The following GALC variants were observed in gnomAD, a reference collection of about 807,000 sequenced individuals.
The protein encoded by GALC is galactosylceramidase.
In GALC, 77 loss-of-function variants were observed where a neutral mutation model predicts 91.8. The observed-to-expected ratio is 0.84, with a 90% confidence interval of 0.70 to 1.01. The LOEUF is 1.01. Among genes scored for constraint, GALC ranks in the 50% least tolerant of loss-of-function variants. The probability of loss-of-function intolerance (pLI) is 0.00; values close to 1 mark genes in which losing one functional copy is unlikely to be tolerated. For synonymous variants in GALC, 357 were observed against 306.7 expected (o/e 1.16, Z -1.71); for missense variants, 882 against 855.9 (o/e 1.03, Z -0.38).
intron 4 of GALC, among the ~76,000 whole-genome samples, chr14:87,985,360 A>C (rs976689047): frequency 2.0e-5 from 3 of 152,270 alleles, no homozygotes; most frequent in Non-Finnish European, 4.4e-5. Context: ...GTATTACATA[A>C]GAAATGTGAC....
intron 3 of GALC, chr14:87,987,182 G>A: frequency 2.8e-6 from 1 of 358,878 alleles, no homozygotes; most frequent in Non-Finnish European, 5.4e-6. Flanking sequence ...ACTGAGGTAG[G>A]TAATTGCTAT....
At chr14:87,953,817 G>T in intron 10 of GALC, 2 of 1,608,128 alleles carry the variant, frequency 1.2e-6, no homozygotes, top group Non-Finnish European at 1.7e-6. Context: ...CCAGAAGTAT[G>T]ATTGTTTAGT....
chr14:87,965,682 A>G (rs750738793), intron 8 of GALC, 53 bp from the exon 9 acceptor site: 3 of 1,592,892 alleles, frequency 1.9e-6, no homozygotes, highest in African/African-American at 2.7e-5. Flanking sequence ...TAAAAATGTA[A>G]ATGTCTAAAA....
Position 87,933,733 on chromosome 14 carries a change from A to G in GALC, c.*999T>C, listed in dbSNP as rs1267707327. ...TAATGCTTAGTATAAATCATACAAC[A>G]TGATGAACACGCTCACGTATATTTA... On this transcript the variant is annotated 3_prime_UTR_variant, in exon 17 of 17. Coordinates refer to ENST00000261304, the MANE Select transcript of GALC (RefSeq NM_000153.4). The G allele has an allele frequency of 4.3e-6, 2 of 461,112 alleles. No homozygotes were observed. The highest frequency in any genetic ancestry group is 7.7e-6 in the Non-Finnish European group (2 of 259,448). 28.6% of individuals were successfully genotyped at this position (461,112 alleles called of 1,614,324 possible).
intron 3 of GALC, 153 bp downstream of exon 3, chr14:87,987,991 A>G: frequency 1.6e-6 from 1 of 644,754 alleles, no homozygotes; most frequent in South Asian, 1.9e-5. Flanking sequence ...ATTTTTAAAT[A>G]ATTACAGTTA....
At chr14:87,949,155 GTT>G (rs901933799) in intron 12 of GALC, among the ~76,000 whole-genome samples, 1 of 151,912 alleles carries the variant, frequency 6.6e-6, no homozygotes, top group Non-Finnish European at 1.5e-5. Context: ...AGATGACAAA[GTT>G]GAGGAGAGGC....
intron 1 of GALC, among the ~76,000 whole-genome samples, chr14:87,990,165 C>A (rs1595242735): frequency 6.6e-6 from 1 of 152,194 alleles, no homozygotes; most frequent in East Asian, 1.9e-4. Context: ...TTTTCTGACT[C>A]ACCTCTTAGT....
chr14:87,954,144 G>A, intron 10 of GALC: 1 of 1,606,466 alleles, frequency 6.2e-7, no homozygotes, highest in Non-Finnish European at 8.5e-7. Context: ...TAGTGATGTT[G>A]TACTTCAAGA....
At chr14:87,949,099 T>A (rs936603986) in intron 12 of GALC, among the ~76,000 whole-genome samples, 6 of 151,768 alleles carry the variant, frequency 4.0e-5, no homozygotes, top group African/African-American at 1.5e-4. Flanking sequence ...GAGCTAAGAC[T>A]GGTGAGGAAG....
Position 87,945,683 on chromosome 14 carries a change from A to C in GALC, c.1540T>G (p.Phe514Val). Reference protein sequence around the residue: ...APNFADQTGVFEYFTNIEDPG... With the variant: ...APNFADQTGVVEYFTNIEDPG... ...TCTTCAATATTTGTAAAATATTCAAATACACCAGTTTGATCAGCAAAGTTT... is the reference window on the plus strand; with the variant it reads ...TCTTCAATATTTGTAAAATATTCAACTACACCAGTTTGATCAGCAAAGTTT... The change falls in exon 14 of 17, where the codon TTT (phenylalanine) becomes GTT (valine). Residue 514 changes from phenylalanine (F) to valine (V), a missense_variant. Physicochemically the swap from Phe to Val is conservative, Grantham distance 50. Transcript: ENST00000261304. The C allele has an allele frequency of 6.2e-7, 1 of 1,612,290 alleles. No individual in the cohort carries two copies. The highest frequency in any genetic ancestry group is 8.5e-7 in the Non-Finnish European group (1 of 1,178,774).
intron 16 of GALC, among the ~76,000 whole-genome samples, chr14:87,936,199 C>T (rs1884558948): frequency 6.6e-6 from 1 of 152,032 alleles, no homozygotes; most frequent in Non-Finnish European, 1.5e-5. Flanking sequence ...CACTCAAGTA[C>T]TACCCACTCA....
chr14:87,943,741 TTTTCCCACAATAA>T (rs1303019166), intron 14 of GALC, among the ~76,000 whole-genome samples: 8 of 151,972 alleles, frequency 5.3e-5, no homozygotes, highest in Non-Finnish European at 1.0e-4. Context: ...TATTCCCTCC[TTTTCCCACAATAA>T]GTGGGCACAG....
intron 10 of GALC, chr14:87,953,045 T>A (rs1885377808): frequency 7.3e-7 from 1 of 1,366,008 alleles, no homozygotes; most frequent in East Asian, 2.3e-5. Flanking sequence ...CTAAACAAAT[T>A]AATATAGGGC....
At chr14:87,992,498 A>C (rs1887246132) in intron 1 of GALC, 3 of 1,531,730 alleles carry the variant, frequency 2.0e-6, no homozygotes, top group Non-Finnish European at 2.6e-6. Flanking sequence ...TAACGACTCC[A>C]CCACCCACCA....
chr14:87,954,618 T>C (rs1054443393), intron 10 of GALC: 1 of 1,589,902 alleles, frequency 6.3e-7, no homozygotes, highest in African/African-American at 1.3e-5. Context: ...TTTTGGAAGA[T>C]ATCAGACTTA....
At position 87,953,494 on chromosome 14, in the gene GALC, G is replaced by A. The variant is rs1048876097; in HGVS notation, c.1162-2746C>T. 1.8e-5 allele frequency: 29 copies of A among 1,599,124 alleles called. No homozygotes were observed. In the African/African-American group the frequency reaches 2.0e-4, roughly 11 times the overall value. On this transcript the variant is annotated intron_variant, in intron 10 of 16. Transcript: ENST00000261304. Reference sequence around the variant, plus strand: ...CATAAACTCTGACAAAGGTCCTGAAGAAAATACAGGATCTCAAGAACTTTT... The same window carrying A: ...CATAAACTCTGACAAAGGTCCTGAAAAAAATACAGGATCTCAAGAACTTTT...
At chr14:87,990,156 TTTCTGAC>T (rs1887138963) in intron 1 of GALC, among the ~76,000 whole-genome samples, 1 of 152,204 alleles carries the variant, frequency 6.6e-6, no homozygotes, top group South Asian at 2.1e-4. Flanking sequence ...CTCCTTTATT[TTTCTGAC>T]TCACCTCTTA....
chr14:87,982,885 C>T (rs1000577837), intron 5 of GALC, among the ~76,000 whole-genome samples: 3 of 152,112 alleles, frequency 2.0e-5, no homozygotes, highest in African/African-American at 7.2e-5. Flanking sequence ...TCCAATGATA[C>T]AGGAAAGAGT....
At position 87,973,955 on chromosome 14, in the gene GALC, C is replaced by CA. The variant is rs766067975; in HGVS notation, c.752+2402dup. On this transcript the variant is annotated intron_variant, in intron 7 of 16. Transcript: ENST00000261304. Reference sequence around the variant, plus strand: ...ATCAGTATAAATGTAATTGACAGAACAAAAACCAAACCTTGCTAAATAACA... The same window carrying CA: ...ATCAGTATAAATGTAATTGACAGAACAAAAAACCAAACCTTGCTAAATAACA... Among the ~76,000 whole-genome samples, 134 of 152,200 alleles carry CA rather than the reference C, an allele frequency of 8.8e-4. No individual in the cohort carries two copies. In the Middle Eastern group the frequency reaches 0.01, roughly 12 times the overall value.
Sources: gnomAD v4.1 joint callset for allele counts (sites outside exome capture counted in the v4.1 genomes callset) on GRCh38, gnomAD v4.1.1 for gene constraint, MANE v1.5 for transcripts, NCBI Gene and HGNC (gene_info 2026-07-23, HGNC 2026-07-21) for gene names.